MCM8: variants seen among roughly 807,000 people sequenced by gnomAD.
The protein encoded by MCM8 is minichromosome maintenance 8 homologous recombination repair factor.
Under a neutral mutation model 98.9 loss-of-function variants are expected in MCM8, and 85 were observed. The observed-to-expected ratio is 0.86, with a 90% CI of 0.72 to 1.03. The LOEUF is 1.03. MCM8 is among the 50% of genes least tolerant of loss of function. The pLI, the probability that MCM8 is intolerant of heterozygous loss-of-function variation, is 0.00. For synonymous variants in MCM8, 352 were observed against 338.6 expected, an observed-to-expected ratio of 1.04 and a Z score of -0.44; for missense variants, 951 against 997.8, an observed-to-expected ratio of 0.95 and a Z score of 0.63.
intron 12 of MCM8, among the ~76,000 whole-genome samples, chr20:5,975,904 T>G (rs1275713224): frequency 6.6e-6 from 1 of 152,192 alleles, no homozygotes; most frequent in Non-Finnish European, 1.5e-5. Flanking sequence ...TTTCTTGTTT[T>G]CAGACCTGGA....
intron 12 of MCM8, among the ~76,000 whole-genome samples, chr20:5,973,907 A>T (rs2089456374): frequency 6.6e-6 from 1 of 151,918 alleles, no homozygotes; most frequent in African/African-American, 2.4e-5. Flanking sequence ...CACCCACCTT[A>T]ACCTCCCAAA....
At position 5,994,004 on chromosome 20, in the gene MCM8, C is replaced by T. The variant is rs947042621; in HGVS notation, c.2431-295C>T. 5.4e-5 allele frequency: 19 copies of T among 352,714 alleles called. 1 individual carries two copies. The highest frequency in any genetic ancestry group is 4.0e-4 in the Admixed American group (9 of 22,364). 21.8% of individuals were successfully genotyped at this position (352,714 alleles called of 1,614,324 possible). On this transcript the variant is annotated intron_variant, in intron 18 of 18. Transcript: ENST00000610722. ...AATGTAATAGCACTTCAAACATGGG[C>T]TGTTACACATTATGGAAAATTAACT...
At chr20:5,967,806 G>T (rs924528704) in intron 9 of MCM8, 24 bp from the exon 10 acceptor site, 1 of 1,569,740 alleles carries the variant, frequency 6.4e-7, no homozygotes, top group African/African-American at 1.4e-5. Flanking sequence ...ACCAACTATT[G>T]TATTTAACAC....
Position 5,955,243 on chromosome 20 carries a change from A to C in MCM8, c.478A>C (p.Ile160Leu), listed in dbSNP as rs147510471. 13 of 1,612,276 alleles carry C rather than the reference A, an allele frequency of 8.1e-6. No homozygotes were observed. In the African/African-American group the frequency reaches 1.7e-4, roughly 22 times the overall value. ...AACCTTGGCTTGCATGGGTTTGGCA[A>C]TACATCAGGTAACTATTTGTCTTAT... is the stretch of plus-strand genomic sequence containing the variant. ...EKTLACMGLA[I>L]HQVLTKDLER... Residue 160 changes from isoleucine to leucine, a missense_variant, in exon 5 of 19, where the codon ATA becomes CTA. Ile to Leu is a conservative substitution (Grantham distance 5). Coordinates refer to ENST00000610722, the MANE Select transcript of MCM8 (RefSeq NM_032485.6).
At chr20:5,985,438 T>C (rs2089711439) in intron 15 of MCM8, among the ~76,000 whole-genome samples, 1 of 103,378 alleles carries the variant, frequency 9.7e-6, no homozygotes, top group Admixed American at 8.8e-5. Context: ...AGCGAGACTG[T>C]CTCAAAAAAA....
In MCM8 at chr20:5,995,990, A is replaced by C. The variant is rs79177862; in HGVS notation, c.*1599A>C. ...TTAAGTGAGGAAGGAAAAATCAGGAATCAAAAGGGGCCAGGTGCAGTGGCT... is the reference window on the plus strand; with the variant it reads ...TTAAGTGAGGAAGGAAAAATCAGGACTCAAAAGGGGCCAGGTGCAGTGGCT... On this transcript the variant is annotated 3_prime_UTR_variant, in exon 19 of 19. Coordinates refer to ENST00000610722, the MANE Select transcript of MCM8 (RefSeq NM_032485.6). 6,632 of 152,368 alleles carry C rather than the reference A, an allele frequency of 0.044. 181 individuals are homozygous for C. Among genetic ancestry groups the C allele is most frequent in the Non-Finnish European group, 0.068 (4,620 of 68,064 alleles). 9.4% of individuals were successfully genotyped at this position (152,368 alleles called of 1,614,324 possible). A position where few individuals can be genotyped will look rare whatever the true frequency, so the allele number is the denominator to read the frequency against.
chr20:5,960,317 G>A (rs1014632638), intron 7 of MCM8, among the ~76,000 whole-genome samples: 19 of 151,916 alleles, frequency 1.3e-4, no homozygotes, highest in African/African-American at 3.1e-4. Flanking sequence ...GTCTCATTCT[G>A]TTGCCCAGGC....
At chr20:5,970,654 A>C (rs1362995595) in intron 10 of MCM8, among the ~76,000 whole-genome samples, 1 of 152,226 alleles carries the variant, frequency 6.6e-6, no homozygotes, top group Non-Finnish European at 1.5e-5. Context: ...AGTGAGTGCC[A>C]AGGGGATATG....
chr20:5,952,889 A>G (rs236111), intron 3 of MCM8, among the ~76,000 whole-genome samples: 15,705 of 152,274 alleles, frequency 0.1, 865 homozygotes, highest in South Asian at 0.11. Context: ...GGTTACCAGA[A>G]TGTGGGAATT....
intron 7 of MCM8, among the ~76,000 whole-genome samples, chr20:5,962,023 G>A (rs2089155773): frequency 1.3e-5 from 2 of 152,242 alleles, no homozygotes; most frequent in Admixed American, 1.3e-4. Context: ...CAACTGGCTA[G>A]TTCTGGCTCC....
chr20:5,986,430 G>A (rs1217729214), intron 16 of MCM8, among the ~76,000 whole-genome samples: 1 of 152,208 alleles, frequency 6.6e-6, no homozygotes, highest in Non-Finnish European at 1.5e-5. Context: ...TTAACTAGGA[G>A]TATGAGACCC....
At chr20:5,983,843 C>T (rs2089678499) in intron 14 of MCM8, among the ~76,000 whole-genome samples, 1 of 152,194 alleles carries the variant, frequency 6.6e-6, no homozygotes, top group Non-Finnish European at 1.5e-5. Context: ...CAGAAATAGT[C>T]ATACAAGTGC....
rs553000174 is a variant in MCM8 at position 5,982,758 on chromosome 20, A to G, written c.1538-212A>G. Among the ~76,000 whole-genome samples the G allele has an allele frequency of 1.5e-4, 23 of 152,348 alleles. 1 individual carries two copies. The South Asian group carries it at 1.7e-3, about 11-fold the overall frequency. On this transcript the variant is annotated intron_variant, in intron 13 of 18. Coordinates refer to ENST00000610722, the MANE Select transcript of MCM8 (RefSeq NM_032485.6). ...TAGTGCTGTGCGTATGAAAAATGCTAAAGGAAGAACTATTACACAAAACTT... is the reference window on the plus strand; with the variant it reads ...TAGTGCTGTGCGTATGAAAAATGCTGAAGGAAGAACTATTACACAAAACTT...
chr20:5,985,046 T>C (rs779908067), intron 15 of MCM8, 46 bp downstream of exon 15: 3 of 1,520,446 alleles, frequency 2.0e-6, no homozygotes, highest in Middle Eastern at 1.8e-4. Flanking sequence ...TGTTTGAATG[T>C]CAAAGTTCAG....
At chr20:5,956,914 G>A (rs940816235) in intron 5 of MCM8, among the ~76,000 whole-genome samples, 2 of 151,984 alleles carry the variant, frequency 1.3e-5, no homozygotes, top group Non-Finnish European at 2.9e-5. Context: ...GGATGCTGGA[G>A]TTTTTCAGCA....
At chr20:5,987,411 C>T (rs2089756773) in intron 17 of MCM8, 53 bp downstream of exon 17, 3 of 1,477,134 alleles carry the variant, frequency 2.0e-6, no homozygotes, top group Non-Finnish European at 2.8e-6. Context: ...ATCTTCCCAT[C>T]TCAAATTAGG....
chr20:5,993,335 C>T (rs1042478353), intron 17 of MCM8, among the ~76,000 whole-genome samples, 171 bp from the exon 18 acceptor site: 1 of 152,184 alleles, frequency 6.6e-6, no homozygotes, highest in Non-Finnish European at 1.5e-5. Context: ...TATTCCTTAT[C>T]AATCCATCAT....
At chr20:5,967,699 A>G (rs1028717526) in intron 9 of MCM8, 112 bp downstream of exon 9, 8 of 1,393,532 alleles carry the variant, frequency 5.7e-6, no homozygotes, top group East Asian at 4.6e-5. Context: ...TGTTGCTTAC[A>G]TAAGATGAAA....
Position 5,997,813 on chromosome 20 carries a change from G to C in MCM8, c.*3422G>C, listed in dbSNP as rs1474693202. On this transcript the variant is annotated 3_prime_UTR_variant, in exon 19 of 19. Transcript: ENST00000610722. The stretch of plus-strand genomic sequence containing the variant: ...GATGAGGTCTTCCTTTGTTGCCCAA[G>C]CTGGTCTCAAACTCCAGGGCTTCCT... The C allele has an allele frequency of 1.3e-5, 2 of 152,140 alleles. No homozygotes were observed. The highest frequency in any genetic ancestry group is 2.9e-5 in the Non-Finnish European group (2 of 68,054). 9.4% of individuals were successfully genotyped at this position (152,140 alleles called of 1,614,324 possible).
Sources: allele counts gnomAD v4.1 joint callset (sites outside exome capture counted in the v4.1 genomes callset), GRCh38; gene constraint gnomAD v4.1.1; transcripts MANE v1.5; gene names NCBI Gene and HGNC (gene_info 2026-07-23, HGNC 2026-07-21).